SPTLC3: variants seen among roughly 807,000 people sequenced by gnomAD.
SPTLC3 encodes serine palmitoyltransferase long chain base subunit 3, also known as serine palmitoyltransferase 3.
Under a neutral mutation model 59.3 loss-of-function variants are expected in SPTLC3, and 36 were observed. The observed-to-expected ratio is 0.61, with a 90% confidence interval of 0.47 to 0.80. The LOEUF is 0.80. SPTLC3 is among the 30% of genes least tolerant of loss of function. The pLI is 0.00. For synonymous variants in SPTLC3, 257 were observed against 240.8 expected (o/e 1.07, Z -0.62); for missense variants, 625 against 685.1 (o/e 0.91, Z 0.98).
chr20:13,064,773 G>T (rs2122547555), intron 2 of SPTLC3, among the ~76,000 whole-genome samples: 1 of 152,204 alleles, frequency 6.6e-6, no homozygotes, highest in East Asian at 1.9e-4. Flanking sequence ...AAATCTATAG[G>T]TTATCTTTGG....
intron 1 of SPTLC3, among the ~76,000 whole-genome samples, chr20:13,023,031 C>T (rs1011223889): frequency 1.3e-5 from 2 of 152,070 alleles, no homozygotes; most frequent in East Asian, 1.9e-4. Flanking sequence ...CCACCCATGG[C>T]GTCCTCCCAC....
chr20:13,136,617 A>G (rs36026605), intron 9 of SPTLC3, among the ~76,000 whole-genome samples: 23,126 of 139,718 alleles, frequency 0.17, 2,135 homozygotes, highest in Non-Finnish European at 0.22. Context: ...ATATATATAT[A>G]TAATATACAT....
At chr20:13,019,966 T>G (rs1192049013) in intron 1 of SPTLC3, among the ~76,000 whole-genome samples, 1 of 152,124 alleles carries the variant, frequency 6.6e-6, no homozygotes, top group Non-Finnish European at 1.5e-5. Flanking sequence ...AACTGCAAAA[T>G]TTTTTACATA....
chr20:13,110,141 G>C lies in SPTLC3; in HGVS notation c.856G>C (p.Asp286His), dbSNP rs781771097. Reference sequence around the variant, plus strand: ...ACAAAGCCTAGAGAAGCTCCTGAGAGATGCTGTCATCTATGGCCAGCCTCG... The same window carrying C: ...ACAAAGCCTAGAGAAGCTCCTGAGACATGCTGTCATCTATGGCCAGCCTCG... ...NTQSLEKLLRDAVIYGQPRTR... is the reference protein window; with the variant it reads ...NTQSLEKLLRHAVIYGQPRTR... Residue 286 changes from aspartate (D) to histidine (H), a missense_variant, in exon 7 of 12, where the codon GAT becomes CAT. Asp to His is a moderately conservative substitution (Grantham distance 81). Transcript: ENST00000399002. The C allele has an allele frequency of 6.2e-7, 1 of 1,613,464 alleles. No individual in the cohort carries two copies. The highest frequency in any genetic ancestry group is 2.2e-5 in the East Asian group (1 of 44,828).
At chr20:13,126,469 A>G (rs2037992652) in intron 8 of SPTLC3, 122 bp from the exon 9 acceptor site, 1 of 1,170,794 alleles carries the variant, frequency 8.5e-7, no homozygotes, top group African/African-American at 1.6e-5. Context: ...GACCCCATTC[A>G]TCTTTTGAGC....
At chr20:13,039,345 A>G (rs1057043150) in intron 1 of SPTLC3, among the ~76,000 whole-genome samples, 2 of 152,096 alleles carry the variant, frequency 1.3e-5, no homozygotes, top group African/African-American at 4.8e-5. Flanking sequence ...CTAATGAATT[A>G]ATCATTTTAT....
Position 13,074,402 on chromosome 20 carries a change from T to C in SPTLC3, c.512T>C (p.Leu171Pro). 1.2e-6 allele frequency: 2 copies of C among 1,614,124 alleles called. No individual in the cohort carries two copies. The highest frequency in any genetic ancestry group is 1.7e-6 in the Non-Finnish European group (2 of 1,179,982). Residue 171 changes from leucine to proline, a missense_variant, in exon 4 of 12, where the codon CTT (leucine) becomes CCT (proline). Transcript: ENST00000399002. ...ATCAACATGGGCTCCTATAACTTCC[T>C]TGGTCTTGCAGCCAAGTATGATGAG... Reference protein sequence around the residue: ...DVINMGSYNFLGLAAKYDESM... With the variant: ...DVINMGSYNFPGLAAKYDESM...
intron 6 of SPTLC3, 93 bp downstream of exon 6, chr20:13,093,670 A>T: frequency 8.7e-7 from 1 of 1,145,220 alleles, no homozygotes; most frequent in Non-Finnish European, 1.3e-6. Flanking sequence ...CTTCAAGGTG[A>T]CAACGTAGCC....
intron 6 of SPTLC3, among the ~76,000 whole-genome samples, chr20:13,095,137 T>C (rs1989367372): frequency 6.6e-6 from 1 of 152,178 alleles, no homozygotes; most frequent in South Asian, 2.1e-4. Flanking sequence ...TTAGCACAAG[T>C]GTGTTGTGCC....
At chr20:13,010,992 G>A (rs926357883) in intron 1 of SPTLC3, among the ~76,000 whole-genome samples, 3 of 152,114 alleles carry the variant, frequency 2.0e-5, no homozygotes, top group Non-Finnish European at 2.9e-5. Context: ...CCCTAAGAAC[G>A]GTCGAAAACA....
chr20:13,078,928 C>G (rs942765165), intron 4 of SPTLC3, among the ~76,000 whole-genome samples: 1 of 152,022 alleles, frequency 6.6e-6, no homozygotes, highest in Non-Finnish European at 1.5e-5. Context: ...TAAAAAGATT[C>G]AATAAAGAAC....
chr20:13,158,523 G>T (rs2038824540), intron 10 of SPTLC3, among the ~76,000 whole-genome samples: 1 of 152,160 alleles, frequency 6.6e-6, no homozygotes, highest in Admixed American at 6.5e-5. Flanking sequence ...CAGGTGGTTT[G>T]TACTCTAGCA....
At chr20:13,093,372 G>T (rs1464042120) in intron 5 of SPTLC3, 112 bp from the exon 6 acceptor site, 1 of 940,078 alleles carries the variant, frequency 1.1e-6, no homozygotes, top group East Asian at 2.5e-5. Context: ...TAAAATTAAA[G>T]TGAGTTTTAG....
rs186048535 is a variant in SPTLC3 at position 13,052,700 on chromosome 20, G to C, written c.303+3570G>C. Among the ~76,000 whole-genome samples the C allele has an allele frequency of 4.1e-4, 63 of 152,276 alleles. 2 individuals are homozygous for C. Among genetic ancestry groups the C allele is most frequent in the South Asian group, 3.3e-3 (16 of 4,826 alleles). On this transcript the variant is annotated intron_variant, in intron 2 of 11. Coordinates refer to ENST00000399002, the MANE Select transcript of SPTLC3 (RefSeq NM_018327.4). ...AGTCAACCTGGGACACTCAAGCTCA[G>C]TAGCAGGAGGGGCATCCACCATTAC...
chr20:13,153,485 T>C (rs558825793), intron 9 of SPTLC3, among the ~76,000 whole-genome samples: 1 of 152,334 alleles, frequency 6.6e-6, no homozygotes, highest in Non-Finnish European at 1.5e-5. Flanking sequence ...GCAGGACTTA[T>C]CTTTGTCTAT....
At chr20:13,115,705 A>G (rs929538627) in intron 7 of SPTLC3, among the ~76,000 whole-genome samples, 2 of 152,126 alleles carry the variant, frequency 1.3e-5, no homozygotes, top group Non-Finnish European at 2.9e-5. Context: ...CACTTTCCCA[A>G]GTTAGGACTC....
intron 8 of SPTLC3, among the ~76,000 whole-genome samples, chr20:13,123,418 C>A (rs77189866): frequency 0.032 from 4,802 of 152,112 alleles, 117 homozygotes; most frequent in South Asian, 0.079. Flanking sequence ...TATGTATTCA[C>A]CCATTTCATC....
At chr20:13,079,153 T>A (rs965007838) in intron 4 of SPTLC3, among the ~76,000 whole-genome samples, 1 of 152,110 alleles carries the variant, frequency 6.6e-6, no homozygotes, top group Non-Finnish European at 1.5e-5. Context: ...AGATACCATA[T>A]CCTTGAAGGG....
At chr20:13,066,409 T>C (rs1988212610) in intron 2 of SPTLC3, among the ~76,000 whole-genome samples, 1 of 152,204 alleles carries the variant, frequency 6.6e-6, no homozygotes, top group African/African-American at 2.4e-5. Flanking sequence ...TCTATTCTGT[T>C]CCATTGGCCT....
Sources: allele counts gnomAD v4.1 joint callset (sites outside exome capture counted in the v4.1 genomes callset), GRCh38; gene constraint gnomAD v4.1.1; transcripts MANE v1.5; gene names NCBI Gene and HGNC (gene_info 2026-07-23, HGNC 2026-07-21).